SMAD6: variants seen among roughly 807,000 people sequenced by gnomAD.
SMAD6 encodes the protein MAD homolog 6.
In SMAD6, 103 loss-of-function variants were observed where a neutral mutation model predicts 39.4. The ratio of observed to expected loss-of-function variants is 2.62; its 90% CI spans 2.23 to 3.08. The LOEUF (loss-of-function observed/expected upper bound fraction) is 3.08. Among genes scored for constraint, SMAD6 ranks in the 30% most tolerant of loss-of-function variants. The pLI is 0.00. For missense variants in SMAD6, 1,104 were observed against 742.9 expected (o/e 1.49, Z -5.65); for synonymous variants, 445 against 353.3 (o/e 1.26, Z -2.91).
At chr15:66,733,349 T>C (rs963509732) in intron 3 of SMAD6, among the ~76,000 whole-genome samples, 1 of 152,224 alleles carries the variant, frequency 6.6e-6, no homozygotes, top group Non-Finnish European at 1.5e-5. Context: ...AGGGTTTTGA[T>C]TGGGATTGCA....
chr15:66,769,734 A>T (rs1176080512), intron 3 of SMAD6, among the ~76,000 whole-genome samples: 1 of 152,214 alleles, frequency 6.6e-6, no homozygotes, highest in Non-Finnish European at 1.5e-5. Context: ...GAGGTTTGCC[A>T]ATAAAACACA....
At chr15:66,745,628 C>G (rs1300197318) in intron 3 of SMAD6, among the ~76,000 whole-genome samples, 1 of 152,152 alleles carries the variant, frequency 6.6e-6, no homozygotes, top group Non-Finnish European at 1.5e-5. Flanking sequence ...ATGAGGACAC[C>G]AAGTGTTAGA....
intron 3 of SMAD6, among the ~76,000 whole-genome samples, chr15:66,767,959 CTTTTTTTTTTTT>C (rs71142337): frequency 5.1e-4 from 31 of 60,280 alleles, no homozygotes; most frequent in African/African-American, 1.8e-3. Context: ...CAAGCTGCAT[CTTTTTTTTTTTT>C]TTTTTTTTTT....
At chr15:66,760,374 C>T (rs1894176896) in intron 3 of SMAD6, among the ~76,000 whole-genome samples, 1 of 152,168 alleles carries the variant, frequency 6.6e-6, no homozygotes, top group African/African-American at 2.4e-5. Context: ...GGGGAAGACT[C>T]CCTGCGTGCC....
At chr15:66,764,955 G>A (rs1200900796) in intron 3 of SMAD6, among the ~76,000 whole-genome samples, 1 of 152,076 alleles carries the variant, frequency 6.6e-6, no homozygotes, top group African/African-American at 2.4e-5. Flanking sequence ...ACCGCCATAG[G>A]GCTCCATTTC....
At chr15:66,776,145 G>A (rs1319726045) in intron 3 of SMAD6, among the ~76,000 whole-genome samples, 2 of 152,178 alleles carry the variant, frequency 1.3e-5, no homozygotes, top group Admixed American at 6.5e-5. Context: ...CTCTTTCACC[G>A]CAGGTGCCAG....
At chr15:66,771,785 C>T (rs943881762) in intron 3 of SMAD6, among the ~76,000 whole-genome samples, 2 of 151,684 alleles carry the variant, frequency 1.3e-5, no homozygotes, top group Non-Finnish European at 2.9e-5. Context: ...TTCCCTGGGA[C>T]TAGCCGGGGC....
In SMAD6 at chr15:66,703,983, AG is replaced by A; in HGVS notation, c.726del (p.Lys242AsnfsTer297). ...GACCTGCAGCACGCCGTGGAGCTGAAGCCCCTGTGCGGCTGCCACAGCTTCG... is the reference window on the plus strand; with the variant it reads ...GACCTGCAGCACGCCGTGGAGCTGAACCCCTGTGCGGCTGCCACAGCTTCG... ...WPDLQHAVEL[K>X]PLCGCHSFAA... On this transcript the variant is annotated frameshift_variant, in exon 1 of 4. Coordinates refer to ENST00000288840, the MANE Select transcript of SMAD6 (RefSeq NM_005585.5). LOFTEE classifies it high-confidence loss of function. The A allele has an allele frequency of 1.4e-6, 2 of 1,472,834 alleles. No individual in the cohort carries two copies. The allele number at this position is 1,472,834 out of a possible 1,614,324, so 91.2% of individuals were successfully genotyped here.
rs1893032725 is a variant in SMAD6 at position 66,703,648 on chromosome 15, G to A, written c.390G>A (p.Ser130=). 1 of 1,231,936 alleles carries A rather than the reference G, an allele frequency of 8.1e-7. No individual in the cohort carries two copies. Among genetic ancestry groups the A allele is most frequent in the Non-Finnish European group, 1.0e-6 (1 of 986,294 alleles). 76.3% of individuals were successfully genotyped at this position (1,231,936 alleles called of 1,614,324 possible). The part of the protein sequence containing the change: ...DCETVTCCLF[S]ERDAAGAPRD... The stretch of plus-strand genomic sequence containing the variant: ...AGACGGTGACCTGCTGTCTCTTTTC[G>A]GAGCGGGACGCCGCCGGCGCGCCCC... The change falls in exon 1 of 4, where the codon TCG becomes TCA. Residue 130 remains serine (S), a synonymous_variant. Coordinates refer to ENST00000288840, the MANE Select transcript of SMAD6 (RefSeq NM_005585.5).
intron 3 of SMAD6, among the ~76,000 whole-genome samples, chr15:66,763,627 A>G (rs1265624105): frequency 6.6e-6 from 1 of 152,186 alleles, no homozygotes. Flanking sequence ...CACACTCCCC[A>G]GCTTATCTGG....
At chr15:66,770,867 C>A (rs979095628) in intron 3 of SMAD6, among the ~76,000 whole-genome samples, 8 of 152,156 alleles carry the variant, frequency 5.3e-5, no homozygotes, top group Admixed American at 5.2e-4. Context: ...TAAGTAGTTG[C>A]AGTTTCTTTT....
chr15:66,736,033 T>C (rs985169856), intron 3 of SMAD6, among the ~76,000 whole-genome samples: 1 of 152,164 alleles, frequency 6.6e-6, no homozygotes, highest in Non-Finnish European at 1.5e-5. Flanking sequence ...ATAAAAAACC[T>C]CTACTAGAAC....
Position 66,756,268 on chromosome 15 carries a change from A to AT in SMAD6, c.953-24722dup, listed in dbSNP as rs200400947. On this transcript the variant is annotated intron_variant, in intron 3 of 3. Transcript: ENST00000288840. ...ATTTTTTTTTTTTAGGTTTTATTTT[A>AT]TTTTTTTCCTTTCGTTTGGAAACGG... 4.0e-3 allele frequency among the ~76,000 whole-genome samples: 607 copies of AT among 150,804 alleles called. 4 individuals are homozygous for AT. Among genetic ancestry groups the AT allele is most frequent in the Middle Eastern group, 0.014 (4 of 292 alleles).
intron 3 of SMAD6, among the ~76,000 whole-genome samples, chr15:66,745,145 G>T (rs1004377775): frequency 1.3e-5 from 2 of 152,148 alleles, no homozygotes; most frequent in Non-Finnish European, 2.9e-5. Context: ...CCCCCAGGGG[G>T]TATGGAAATA....
At chr15:66,742,976 G>A (rs1289134710) in intron 3 of SMAD6, among the ~76,000 whole-genome samples, 1 of 152,156 alleles carries the variant, frequency 6.6e-6, no homozygotes, top group Non-Finnish European at 1.5e-5. Context: ...CAGTTAGCAT[G>A]TGGTGGTGGT....
At chr15:66,765,277 T>C (rs1268978665) in intron 3 of SMAD6, among the ~76,000 whole-genome samples, 1 of 151,918 alleles carries the variant, frequency 6.6e-6, no homozygotes, top group Non-Finnish European at 1.5e-5. Context: ...CAGGCTGGAG[T>C]GCAGTGGCGC....
At chr15:66,764,139 C>G (rs1214421850) in intron 3 of SMAD6, among the ~76,000 whole-genome samples, 1 of 152,208 alleles carries the variant, frequency 6.6e-6, no homozygotes, top group African/African-American at 2.4e-5. Context: ...GACTGTGATA[C>G]TAACTGGATA....
intron 2 of SMAD6, among the ~76,000 whole-genome samples, chr15:66,714,972 G>A (rs1341838382): frequency 6.6e-6 from 1 of 151,522 alleles, no homozygotes; most frequent in African/African-American, 2.4e-5. Context: ...TGAGCACTTT[G>A]GGAACATTAG....
chr15:66,722,892 G>T (rs1210437348), intron 3 of SMAD6, among the ~76,000 whole-genome samples: 1 of 152,162 alleles, frequency 6.6e-6, no homozygotes, highest in Non-Finnish European at 1.5e-5. Flanking sequence ...CAGTGTGCCA[G>T]AGTGGTTTCT....
Sources: gnomAD v4.1 joint callset for allele counts (sites outside exome capture counted in the v4.1 genomes callset) on GRCh38, gnomAD v4.1.1 for gene constraint, MANE v1.5 for transcripts, NCBI Gene and HGNC (gene_info 2026-07-23, HGNC 2026-07-21) for gene names.